RETREG1: variants seen among roughly 807,000 people sequenced by gnomAD.
The protein encoded by RETREG1 is reticulophagy regulator 1.
A neutral mutation model predicts 54.8 loss-of-function variants in RETREG1; 44 were observed. The ratio of observed to expected loss-of-function variants is 0.80; its 90% CI spans 0.63 to 1.03. RETREG1 has a LOEUF of 1.03. Ranked by LOEUF, RETREG1 falls within the 50% of genes least tolerant of loss-of-function variation. The pLI is 0.00. For missense variants in RETREG1, 554 were observed against 605.1 expected (o/e 0.92, Z 0.89); for synonymous variants, 217 against 238.5 (o/e 0.91, Z 0.83).
intron 1 of RETREG1, among the ~76,000 whole-genome samples, chr5:16,573,731 G>GTTTTTTT (rs1454072189): frequency 1.7e-4 from 19 of 109,810 alleles, no homozygotes; most frequent in Non-Finnish European, 3.2e-4. Flanking sequence ...TTTTGGGTTT[G>GTTTTTTT]TTTGTTTTTT....
chr5:16,487,689 C>T (rs1739071288), intron 3 of RETREG1, among the ~76,000 whole-genome samples: 1 of 152,230 alleles, frequency 6.6e-6, no homozygotes, highest in East Asian at 1.9e-4. Context: ...TCAAGCAATT[C>T]TTTATCAAAG....
chr5:16,512,422 A>T (rs1426293878), intron 3 of RETREG1, among the ~76,000 whole-genome samples: 1 of 152,112 alleles, frequency 6.6e-6, no homozygotes, highest in East Asian at 1.9e-4. Context: ...CTCTTTCCAA[A>T]TGTATCTCCA....
intron 1 of RETREG1, among the ~76,000 whole-genome samples, chr5:16,610,672 C>T (rs1243377819): frequency 1.3e-5 from 2 of 152,190 alleles, no homozygotes; most frequent in East Asian, 3.9e-4. Context: ...TCATCACTGG[C>T]CATCAGAGAA....
chr5:16,509,097 G>A (rs1740086435), intron 3 of RETREG1: 2 of 885,672 alleles, frequency 2.3e-6, no homozygotes, highest in South Asian at 1.0e-4. Flanking sequence ...GTGGCCACAG[G>A]AGGTTGAAAC....
intron 3 of RETREG1, among the ~76,000 whole-genome samples, chr5:16,507,912 CAA>C (rs1348576047): frequency 6.6e-6 from 1 of 152,196 alleles, no homozygotes; most frequent in Non-Finnish European, 1.5e-5. Context: ...CTGACTCATA[CAA>C]AAGTTGTTCA....
At chr5:16,490,082 T>C (rs1255440722) in intron 3 of RETREG1, among the ~76,000 whole-genome samples, 3 of 152,024 alleles carry the variant, frequency 2.0e-5, no homozygotes, top group South Asian at 2.1e-4. Context: ...CTGGAGTAGA[T>C]GGAAAAAGAG....
chr5:16,523,493 A>T (rs142887232), intron 3 of RETREG1, among the ~76,000 whole-genome samples: 123 of 152,228 alleles, frequency 8.1e-4, no homozygotes, highest in Middle Eastern at 6.8e-3. Flanking sequence ...CATGAGGTGA[A>T]GCGCCCCTCT....
At chr5:16,605,850 C>T (rs143592019) in intron 1 of RETREG1, among the ~76,000 whole-genome samples, 15 of 152,286 alleles carry the variant, frequency 9.8e-5, no homozygotes, top group African/African-American at 3.6e-4. Context: ...TAATCCCACT[C>T]ATGAGGACTC....
chr5:16,495,232 C>T (rs775990811), intron 3 of RETREG1, among the ~76,000 whole-genome samples: 1 of 152,160 alleles, frequency 6.6e-6, no homozygotes, highest in Non-Finnish European at 1.5e-5. Context: ...AAAAGGAAAA[C>T]AGACCATAAA....
intron 3 of RETREG1, among the ~76,000 whole-genome samples, chr5:16,498,685 C>T (rs1471519589): frequency 1.3e-5 from 2 of 152,180 alleles, no homozygotes; most frequent in African/African-American, 4.8e-5. Context: ...GCACTCCAGC[C>T]TGGGCAACAC....
In RETREG1 at chr5:16,482,449, T is replaced by TAA. The variant is rs202193728; in HGVS notation, c.585+895_585+896dup. On this transcript the variant is annotated intron_variant, in intron 4 of 8. Coordinates refer to ENST00000306320, the MANE Select transcript of RETREG1 (RefSeq NM_001034850.3). ...ATGCCCCAAATATAGGTATCTATGCTAAAAAAAAAAAAATGCCTTCAATGA... is the reference window on the plus strand; with the variant it reads ...ATGCCCCAAATATAGGTATCTATGCTAAAAAAAAAAAAAAATGCCTTCAATGA... Among the ~76,000 whole-genome samples, 110 of 141,454 alleles carry TAA rather than the reference T, an allele frequency of 7.8e-4. 1 individual carries two copies. The highest frequency in any genetic ancestry group is 3.5e-3 in the Admixed American group (50 of 14,398). 92.8% of individuals were successfully genotyped at this position (141,454 alleles called of 152,430 possible).
intron 3 of RETREG1, among the ~76,000 whole-genome samples, chr5:16,531,720 G>C (rs932750358): frequency 1.3e-5 from 2 of 152,156 alleles, no homozygotes; most frequent in Middle Eastern, 3.2e-3. Context: ...CACATCTGAG[G>C]ACCTGAGAAG....
At chr5:16,528,881 T>G (rs557664309) in intron 3 of RETREG1, among the ~76,000 whole-genome samples, 46 of 152,296 alleles carry the variant, frequency 3.0e-4, no homozygotes, top group African/African-American at 1.0e-3. Flanking sequence ...CCACAGGCAG[T>G]AAGCAGACAG....
chr5:16,566,220 G>C (rs1742009558), intron 2 of RETREG1, among the ~76,000 whole-genome samples: 1 of 152,166 alleles, frequency 6.6e-6, no homozygotes, highest in Non-Finnish European at 1.5e-5. Flanking sequence ...GCCAATAATA[G>C]AAATGGCATT....
At chr5:16,579,286 A>G (rs1211335411) in intron 1 of RETREG1, among the ~76,000 whole-genome samples, 2 of 152,174 alleles carry the variant, frequency 1.3e-5, no homozygotes, top group Non-Finnish European at 2.9e-5. Flanking sequence ...AAGAGCAAAG[A>G]GGCTCAGAAA....
intron 1 of RETREG1, among the ~76,000 whole-genome samples, chr5:16,588,338 G>C (rs905314150): frequency 6.6e-6 from 1 of 152,102 alleles, no homozygotes; most frequent in Admixed American, 6.5e-5. Flanking sequence ...CTCTCATAAG[G>C]ACACCAGTCA....
At position 16,565,134 on chromosome 5, in the gene RETREG1, C is replaced by G. The variant is rs1183309539; in HGVS notation, c.458+629G>C. On this transcript the variant is annotated intron_variant, in intron 3 of 8. Coordinates refer to ENST00000306320, the MANE Select transcript of RETREG1 (RefSeq NM_001034850.3). The stretch of plus-strand genomic sequence containing the variant: ...TCATACACCCAGTTGGTAGAGTGCA[C>G]TGTGGTCCCCTCAATCAACTGCCCC... Among the ~76,000 whole-genome samples the G allele has an allele frequency of 2.6e-5, 4 of 152,378 alleles. No individual in the cohort carries two copies. In the East Asian group the frequency reaches 7.7e-4, roughly 29 times the overall value.
chr5:16,488,097 G>A (rs1450685820), intron 3 of RETREG1, among the ~76,000 whole-genome samples: 1 of 152,184 alleles, frequency 6.6e-6, no homozygotes, highest in African/African-American at 2.4e-5. Flanking sequence ...TGCTGAGGCA[G>A]GTGTGTCTTA....
intron 1 of RETREG1, among the ~76,000 whole-genome samples, chr5:16,587,821 T>A (rs1397865220): frequency 6.6e-6 from 1 of 152,144 alleles, no homozygotes; most frequent in Non-Finnish European, 1.5e-5. Flanking sequence ...TTCTGCCTGG[T>A]TCTCCCGCAG....
Sources: allele counts gnomAD v4.1 joint callset (sites outside exome capture counted in the v4.1 genomes callset), GRCh38; gene constraint gnomAD v4.1.1; transcripts MANE v1.5; gene names NCBI Gene and HGNC (gene_info 2026-07-23, HGNC 2026-07-21).